Variants in RHNO1 observed in about 807,000 individuals in gnomAD.
The protein encoded by RHNO1 is RAD9-HUS1-RAD1 interacting nuclear orphan 1, also known as RAD9, HUS1, RAD1-interacting nuclear orphan protein 1.
In RHNO1, 9 loss-of-function variants were observed where a neutral mutation model predicts 7.2. The ratio of observed to expected loss-of-function variants is 1.25; its 90% confidence interval spans 0.75 to 2.18. The LOEUF is 2.18. Among genes scored for constraint, RHNO1 ranks in the 30% most tolerant of loss-of-function variants. The pLI, the probability that RHNO1 is intolerant of heterozygous loss-of-function variation, is 0.00. For synonymous variants in RHNO1, 95 were observed against 107.5 expected (o/e 0.88, Z 0.72); for missense variants, 292 against 284.5 (o/e 1.03, Z -0.19).
At chr12:2,886,880 A>G (rs1052379860) in intron 2 of RHNO1, 4 of 441,980 alleles carry the variant, frequency 9.1e-6, no homozygotes, top group African/African-American at 4.0e-5. Flanking sequence ...AGGAATGAAC[A>G]TTTATTGAAT....
intron 1 of RHNO1, among the ~76,000 whole-genome samples, chr12:2,879,621 A>C (rs1268838688): frequency 1.3e-5 from 2 of 151,946 alleles, no homozygotes; most frequent in Non-Finnish European, 2.9e-5. Context: ...GGCGTGAGCC[A>C]CTGCGCTCAG....
At position 2,888,225 on chromosome 12, in the gene RHNO1, GTCA is replaced by G; in HGVS notation, c.486_488del (p.Ser164del). The G allele has an allele frequency of 6.2e-7, 1 of 1,614,072 alleles. No individual in the cohort carries two copies. Among genetic ancestry groups the G allele is most frequent in the South Asian group, 1.1e-5 (1 of 91,072 alleles). On this transcript the variant is annotated inframe_deletion, in exon 3 of 3. Transcript: ENST00000489288. ...TTCCACCTGATATCCAGACCCCAGA[GTCA>G]TCGTCTGTGAAGGAAGAACTCATTC...
intron 1 of RHNO1, among the ~76,000 whole-genome samples, chr12:2,879,189 A>T (rs2098154102): frequency 6.6e-6 from 1 of 151,342 alleles, no homozygotes; most frequent in Non-Finnish European, 1.5e-5. Context: ...TCTTTTGTAG[A>T]GACAGGGTCT....
In RHNO1 at chr12:2,888,292, C is replaced by G. The variant is rs1382574368; in HGVS notation, c.550C>G (p.Leu184Val). 3.1e-6 allele frequency: 5 copies of G among 1,614,008 alleles called. No homozygotes were observed. The highest frequency in any genetic ancestry group is 4.2e-6 in the Non-Finnish European group (5 of 1,180,040). The stretch of plus-strand genomic sequence containing the variant: ...GGAAAACAGCCTTCTAAGCTGCACT[C>G]TTCACACTGGCACTCCTAATAGCCC... ...QKENSLLSCTLHTGTPNSPEP... is the reference protein window; with the variant it reads ...QKENSLLSCTVHTGTPNSPEP... The change falls in exon 3 of 3, where the codon CTT (leucine) becomes GTT (valine). Residue 184 changes from leucine (L) to valine (V), a missense_variant. Transcript: ENST00000489288.
Position 2,888,220 on chromosome 12 carries a change from C to T in RHNO1, c.478C>T (p.Pro160Ser). 6.2e-7 allele frequency: 1 copy of T among 1,614,090 alleles called. No individual in the cohort carries two copies. Among genetic ancestry groups the T allele is most frequent in the South Asian group, 1.1e-5 (1 of 91,078 alleles). ...GTTCATTCCACCTGATATCCAGACC[C>T]CAGAGTCATCGTCTGTGAAGGAAGA... is the stretch of plus-strand genomic sequence containing the variant. ...YVFIPPDIQT[P>S]ESSSVKEELI... Residue 160 changes from proline to serine, a missense_variant, in exon 3 of 3, where the codon CCA becomes TCA. By Grantham distance (74) the Pro-to-Ser change is moderately conservative. Coordinates refer to ENST00000489288, the MANE Select transcript of RHNO1 (RefSeq NM_001252499.3).
chr12:2,886,608 A>AT (rs2098165813), intron 2 of RHNO1, among the ~76,000 whole-genome samples: 1 of 145,954 alleles, frequency 6.9e-6, no homozygotes, highest in Non-Finnish European at 1.5e-5. Context: ...GTGAGCCAAG[A>AT]TTGTGCTACT....
chr12:2,887,008 A>G (rs2907610), intron 2 of RHNO1: 187,869 of 455,320 alleles, frequency 0.41, 40,502 homozygotes, highest in East Asian at 0.64. Context: ...AATCAAGAAC[A>G]AGACCACTGG....
rs1447994582 is a variant in RHNO1 at position 2,888,257 on chromosome 12, AAGATC to A, written c.519_523del (p.Asp173GlufsTer16). ...TCTGTGAAGGAAGAACTCATTCCCC[AAGATC>A]AGAAGGAAAACAGCCTTCTAAGCTG... On this transcript the variant is annotated frameshift_variant, in exon 3 of 3. Coordinates refer to ENST00000489288, the MANE Select transcript of RHNO1 (RefSeq NM_001252499.3). LOFTEE classifies it low-confidence loss of function (END_TRUNC). 1 of 1,614,088 alleles carries A rather than the reference AAGATC, an allele frequency of 6.2e-7. No homozygotes were observed. The highest frequency in any genetic ancestry group is 2.2e-5 in the East Asian group (1 of 44,888).
chr12:2,887,930 C>G lies in RHNO1; in HGVS notation c.188C>G (p.Thr63Arg). The change falls in exon 3 of 3, where the codon ACA (threonine) becomes AGA (arginine). Residue 63 changes from threonine to arginine, a missense_variant. Physicochemically the swap from Thr to Arg is moderately conservative, Grantham distance 71 (BLOSUM62 -1). Coordinates refer to ENST00000489288, the MANE Select transcript of RHNO1 (RefSeq NM_001252499.3). ...ITSWVSPDFDTAAGSLFPAYQ... is the reference protein window; with the variant it reads ...ITSWVSPDFDRAAGSLFPAYQ... ...TTTAAGGTATCACCTGATTTTGATA[C>G]AGCAGCAGGAAGCTTGTTCCCAGCC... 1 of 1,588,990 alleles carries G rather than the reference C, an allele frequency of 6.3e-7. No individual in the cohort carries two copies. The highest frequency in any genetic ancestry group is 8.6e-7 in the Non-Finnish European group (1 of 1,169,178).
chr12:2,887,143 G>C, intron 2 of RHNO1: 1 of 363,412 alleles, frequency 2.8e-6, no homozygotes, highest in South Asian at 2.1e-5. Context: ...AGGAGTTTGA[G>C]ACCAGTCTGG....
rs959942718 is a variant in RHNO1, at chr12:2,882,098, C to T, written c.-84-3185C>T. ...CTGCAACTCTCATTTACCTCTCTAC[C>T]TATTGCATTCAACCTTGTGTCCCAC... On this transcript the variant is annotated intron_variant, in intron 1 of 2. Transcript: ENST00000489288. Among the ~76,000 whole-genome samples, 10 of 151,792 alleles carry T rather than the reference C, an allele frequency of 6.6e-5. No individual in the cohort carries two copies. The East Asian group carries it at 1.9e-3, about 29-fold the overall frequency.
rs374668211 is a variant in RHNO1, at chr12:2,885,459, A to C, written c.93A>C (p.Ala31=). The change falls in exon 2 of 3, where the codon GCA becomes GCC. Residue 31 remains alanine (A), a synonymous_variant. Coordinates refer to ENST00000489288, the MANE Select transcript of RHNO1 (RefSeq NM_001252499.3). ...QPLEGPKHSC[A]STQLPITHTR... is the part of the protein sequence containing the mutation. ...TGGAGGGCCCCAAACACAGCTGTGC[A>C]TCTACACAGCTTCCCATCACTCACA... 7.2e-5 allele frequency: 116 copies of C among 1,613,448 alleles called. No individual in the cohort carries two copies. The highest frequency in any genetic ancestry group is 1.6e-4 in the Middle Eastern group (1 of 6,084).
chr12:2,888,218 C>G lies in RHNO1; in HGVS notation c.476C>G (p.Thr159Ser). 1 of 1,614,088 alleles carries G rather than the reference C, an allele frequency of 6.2e-7. No homozygotes were observed. The highest frequency in any genetic ancestry group is 8.5e-7 in the Non-Finnish European group (1 of 1,180,006). ...PYVFIPPDIQ[T>S]PESSSVKEEL... ...GTGTTCATTCCACCTGATATCCAGA[C>G]CCCAGAGTCATCGTCTGTGAAGGAA... Residue 159 changes from threonine (T) to serine (S), a missense_variant, in exon 3 of 3, where the codon ACC becomes AGC. Coordinates refer to ENST00000489288, the MANE Select transcript of RHNO1 (RefSeq NM_001252499.3).
intron 1 of RHNO1, among the ~76,000 whole-genome samples, chr12:2,879,807 G>T (rs1003618946): frequency 4.6e-5 from 7 of 151,924 alleles, no homozygotes; most frequent in Admixed American, 3.9e-4. Flanking sequence ...AAAGTATATA[G>T]AGTGAGAACA....
chr12:2,882,322 A>G (rs982455908), intron 1 of RHNO1, among the ~76,000 whole-genome samples: 3 of 150,688 alleles, frequency 2.0e-5, no homozygotes, highest in Admixed American at 6.6e-5. Flanking sequence ...ATAAAACTTT[A>G]AAAAAAGATG....
chr12:2,886,822 A>G (rs893509903), intron 2 of RHNO1, among the ~76,000 whole-genome samples: 2 of 152,222 alleles, frequency 1.3e-5, no homozygotes, highest in Non-Finnish European at 2.9e-5. Context: ...AATACCTGCT[A>G]CAGGATTGTG....
At chr12:2,877,596 G>C (rs1027364350) in intron 1 of RHNO1, among the ~76,000 whole-genome samples, 1 of 151,970 alleles carries the variant, frequency 6.6e-6, no homozygotes, top group Admixed American at 6.6e-5. Flanking sequence ...ATTAGACTAA[G>C]TTCCTTTGAG....
chr12:2,885,648 C>T (rs1201376289), intron 2 of RHNO1, 114 bp downstream of exon 2: 4 of 933,666 alleles, frequency 4.3e-6, no homozygotes, highest in Admixed American at 3.2e-5. Flanking sequence ...GATCTTGGCT[C>T]ACTGCAAGCT....
chr12:2,878,500 G>GCAT (rs1371373128), intron 1 of RHNO1, among the ~76,000 whole-genome samples: 2 of 151,994 alleles, frequency 1.3e-5, no homozygotes, highest in Non-Finnish European at 2.9e-5. Flanking sequence ...GCCATACCGA[G>GCAT]AAGTTTTGTG....
Sources: gnomAD v4.1 joint callset for allele counts (sites outside exome capture counted in the v4.1 genomes callset) on GRCh38, gnomAD v4.1.1 for gene constraint, MANE v1.5 for transcripts, NCBI Gene and HGNC (gene_info 2026-07-23, HGNC 2026-07-21) for gene names.